The following FKBP15 variants were observed in gnomAD, a reference collection of about 807,000 sequenced individuals.
FKBP15 encodes FKBP prolyl isomerase family member 15, also known as FK506-binding protein 15.
Under a neutral mutation model 158.1 loss-of-function variants are expected in FKBP15, and 106 were observed. The ratio of observed to expected loss-of-function variants is 0.67; its 90% CI spans 0.57 to 0.79. The LOEUF (loss-of-function observed/expected upper bound fraction) is 0.79. Ranked by LOEUF, FKBP15 falls within the 30% of genes least tolerant of loss-of-function variation. The pLI is 0.00. For missense variants in FKBP15, 1,287 were observed against 1,479.1 expected (o/e 0.87, Z 2.13); for synonymous variants, 547 against 548.6 (o/e 1.00, Z 0.04).
At chr9:113,191,437 T>C (rs1830573249) in intron 11 of FKBP15, among the ~76,000 whole-genome samples, 1 of 151,864 alleles carries the variant, frequency 6.6e-6, no homozygotes, top group African/African-American at 2.4e-5. Context: ...TGGTGGTACT[T>C]TATGTACATA....
At chr9:113,170,028 T>C in intron 25 of FKBP15, 86 bp from the exon 26 acceptor site, 1 of 1,428,662 alleles carries the variant, frequency 7.0e-7, no homozygotes, top group Non-Finnish European at 9.2e-7. Flanking sequence ...GTCATGTAGT[T>C]TAAATGACTT....
Position 113,162,548 on chromosome 9 carries a change from T to G in FKBP15, c.*3530A>C, listed in dbSNP as rs899311097. 6 of 472,296 alleles carry G rather than the reference T, an allele frequency of 1.3e-5. No individual in the cohort carries two copies. The Admixed American group carries it at 1.6e-4, about 13-fold the overall frequency. 29.3% of individuals were successfully genotyped at this position (472,296 alleles called of 1,614,324 possible). On this transcript the variant is annotated 3_prime_UTR_variant, in exon 28 of 28. Coordinates refer to ENST00000238256, the MANE Select transcript of FKBP15 (RefSeq NM_015258.2). Reference sequence around the variant, plus strand: ...CTTGAAACCAAATGTAGTGAAGATATGTCTCTTTAAAAATAAATCTCGAGT... The same window carrying G: ...CTTGAAACCAAATGTAGTGAAGATAGGTCTCTTTAAAAATAAATCTCGAGT...
chr9:113,171,480 CACT>C, intron 24 of FKBP15, 98 bp downstream of exon 24: 1 of 1,389,698 alleles, frequency 7.2e-7, no homozygotes, highest in Non-Finnish European at 9.7e-7. Context: ...AGTAAAACAT[CACT>C]AAAGTTAGAA....
rs1322194048 is a variant in FKBP15, at chr9:113,207,242, A to T, written c.224T>A (p.Leu75Gln). 1.2e-6 allele frequency: 2 copies of T among 1,613,266 alleles called. No homozygotes were observed. Among genetic ancestry groups the T allele is most frequent in the South Asian group, 2.2e-5 (2 of 91,060 alleles). Reference sequence around the variant, plus strand: ...ATATGCATGGACTGCTGTTGCGACCAGTATTGTGGGAGTGCTCATGGTGGC... The same window carrying T: ...ATATGCATGGACTGCTGTTGCGACCTGTATTGTGGGAGTGCTCATGGTGGC... ...APATMSTPTI[L>Q]VATAVHAYRY... is the part of the protein sequence containing the mutation. Residue 75 changes from leucine (L) to glutamine (Q), a missense_variant, in exon 3 of 28, where the codon CTG becomes CAG. By Grantham distance (113) the Leu-to-Gln change is moderately radical. Coordinates refer to ENST00000238256, the MANE Select transcript of FKBP15 (RefSeq NM_015258.2).
rs368884752 is a variant in FKBP15, at chr9:113,164,488, A to G, written c.*1590T>C. ...CTTCTCTCCCTGCGGGCAGAAGCAA[A>G]TATAATAGCCACTAGTTAATTTACA... On this transcript the variant is annotated 3_prime_UTR_variant, in exon 28 of 28. Coordinates refer to ENST00000238256, the MANE Select transcript of FKBP15 (RefSeq NM_015258.2). 5.2e-5 allele frequency: 8 copies of G among 152,384 alleles called. No individual in the cohort carries two copies. The highest frequency in any genetic ancestry group is 1.9e-4 in the African/African-American group (8 of 41,592). 9.4% of individuals were successfully genotyped at this position (152,384 alleles called of 1,614,324 possible).
intron 1 of FKBP15, among the ~76,000 whole-genome samples, chr9:113,215,710 C>T (rs181925788): frequency 8.7e-5 from 12 of 138,116 alleles, no homozygotes; most frequent in Admixed American, 1.6e-4. Flanking sequence ...AGTGCAGTGG[C>T]CCAATCTCGG....
chr9:113,217,250 T>C (rs551074124), intron 1 of FKBP15, among the ~76,000 whole-genome samples: 4 of 140,552 alleles, frequency 2.8e-5, no homozygotes, highest in Non-Finnish European at 6.1e-5. Context: ...TCTTGCTTTG[T>C]CACCCAGGCT....
chr9:113,168,204 T>C (rs1830128017), intron 27 of FKBP15, among the ~76,000 whole-genome samples: 1 of 152,240 alleles, frequency 6.6e-6, no homozygotes. Flanking sequence ...CTCAGCTTTC[T>C]TCCTCTGAGG....
chr9:113,191,731 AG>A (rs1830579460), intron 11 of FKBP15, among the ~76,000 whole-genome samples: 1 of 150,374 alleles, frequency 6.7e-6, no homozygotes, highest in African/African-American at 2.4e-5. Flanking sequence ...GAAAGGAGGG[AG>A]GAATAAAAAA....
At position 113,166,175 on chromosome 9, in the gene FKBP15, C is replaced by T; in HGVS notation, c.3583-20G>A. The stretch of plus-strand genomic sequence containing the variant: ...CATGCTCTGATAAAACAGGAAAGAG[C>T]AGTCAGTCCTCACTTGTGCCTGCAC... On this transcript the variant is annotated intron_variant, in intron 27 of 27. Transcript: ENST00000238256. The T allele has an allele frequency of 6.2e-7, 1 of 1,603,400 alleles. No homozygotes were observed.
chr9:113,214,658 A>T (rs1247622605), intron 1 of FKBP15, among the ~76,000 whole-genome samples: 3 of 152,196 alleles, frequency 2.0e-5, no homozygotes, highest in Non-Finnish European at 4.4e-5. Context: ...TTATCCCCTA[A>T]TAAGAGTTAA....
Position 113,206,640 on chromosome 9 carries a change from C to G in FKBP15, c.255-62G>C. ...CCCTAAATTCTGCAGAACCAGCTTTCTTTTCTGTCATACAGAAGTGGGAAC... is the reference window on the plus strand; with the variant it reads ...CCCTAAATTCTGCAGAACCAGCTTTGTTTTCTGTCATACAGAAGTGGGAAC... On this transcript the variant is annotated intron_variant, in intron 3 of 27. Transcript: ENST00000238256. The G allele has an allele frequency of 4.7e-6, 6 of 1,274,638 alleles. No homozygotes were observed. The South Asian group carries it at 7.2e-5, about 15-fold the overall frequency. 79.0% of individuals were successfully genotyped at this position (1,274,638 alleles called of 1,614,324 possible).
intron 3 of FKBP15, 134 bp from the exon 4 acceptor site, chr9:113,206,712 ATT>A (rs35902681): frequency 0.061 from 17,381 of 283,918 alleles, 42 homozygotes; most frequent in East Asian, 0.19. Context: ...GCGGTTTAAA[ATT>A]TTTTTTTTTT....
At chr9:113,207,348 AT>A (rs536637507) in intron 2 of FKBP15, 52 bp from the exon 3 acceptor site, 50 of 1,393,272 alleles carry the variant, frequency 3.6e-5, no homozygotes, top group South Asian at 4.7e-5. Flanking sequence ...CTTTAAACTA[AT>A]TTTTTTTAAA....
Position 113,186,332 on chromosome 9 carries a change from G to A in FKBP15, c.1415C>T (p.Pro472Leu). 1 of 1,567,834 alleles carries A rather than the reference G, an allele frequency of 6.4e-7. No homozygotes were observed. Among genetic ancestry groups the A allele is most frequent in the Non-Finnish European group, 8.7e-7 (1 of 1,155,558 alleles). The change falls in exon 15 of 28, where the codon CCC becomes CTC. Residue 472 changes from proline to leucine, a missense_variant. Physicochemically the swap from Pro to Leu is moderately conservative, Grantham distance 98 (BLOSUM62 -3). Coordinates refer to ENST00000238256, the MANE Select transcript of FKBP15 (RefSeq NM_015258.2). ...PYAGMQAYAY[P>L]QASAVTSQLQ... Reference sequence around the variant, plus strand: ...CTGGGAGGTGACGGCAGATGCCTGGGGATAAGCGTAGGCTTGCATACCTGC... The same window carrying A: ...CTGGGAGGTGACGGCAGATGCCTGGAGATAAGCGTAGGCTTGCATACCTGC...
At chr9:113,210,617 A>G (rs1453966077) in intron 2 of FKBP15, among the ~76,000 whole-genome samples, 2 of 152,088 alleles carry the variant, frequency 1.3e-5, no homozygotes, top group Non-Finnish European at 2.9e-5. Context: ...TTTAGTGTCA[A>G]CTTGATTGGA....
chr9:113,191,595 G>A (rs536191308), intron 11 of FKBP15, among the ~76,000 whole-genome samples: 1 of 149,962 alleles, frequency 6.7e-6, no homozygotes, highest in South Asian at 2.1e-4. Context: ...TTAAAATGAG[G>A]AAGCTCTCTA....
intron 12 of FKBP15, 35 bp from the exon 13 acceptor site, chr9:113,188,526 C>A (rs373594534): frequency 6.4e-7 from 1 of 1,556,398 alleles, no homozygotes; most frequent in Non-Finnish European, 8.9e-7. Flanking sequence ...TTACTCTGTA[C>A]GGGGTCCCTC....
In FKBP15 at chr9:113,174,592, C is replaced by T; in HGVS notation, c.2224-9G>A. The T allele has an allele frequency of 6.2e-7, 1 of 1,612,860 alleles. No individual in the cohort carries two copies. Among genetic ancestry groups the T allele is most frequent in the South Asian group, 1.1e-5 (1 of 90,938 alleles). ...TTCCTTTCTGAGAGGTTCTTAGGAA[C>T]AAGAGAACCATCATCAGCTCTAGCT... On this transcript the variant is annotated splice_polypyrimidine_tract_variant and intron_variant, in intron 21 of 27. Coordinates refer to ENST00000238256, the MANE Select transcript of FKBP15 (RefSeq NM_015258.2).
Sources: allele counts gnomAD v4.1 joint callset (sites outside exome capture counted in the v4.1 genomes callset), GRCh38; gene constraint gnomAD v4.1.1; transcripts MANE v1.5; gene names NCBI Gene and HGNC (gene_info 2026-07-23, HGNC 2026-07-21).